TENM3: variants seen among roughly 807,000 people sequenced by gnomAD.
TENM3 encodes the protein teneurin-3.
Under a neutral mutation model 255.1 loss-of-function variants are expected in TENM3, and 63 were observed. That is an observed-to-expected ratio of 0.25 (90% confidence interval 0.20 to 0.30). The LOEUF is 0.30. TENM3 is among the 10% of genes least tolerant of loss of function. The probability of loss-of-function intolerance (pLI) is 1.00; values close to 1 mark genes in which losing one functional copy is unlikely to be tolerated. For missense variants in TENM3, 2,929 were observed against 3,461.1 expected, an observed-to-expected ratio of 0.85 and a Z score of 3.86; for synonymous variants, 1,306 against 1,322.3, an observed-to-expected ratio of 0.99 and a Z score of 0.27.
the TENM3 span, among the ~76,000 whole-genome samples, chr4:181,880,006 A>C: frequency 6.6e-6 from 1 of 152,196 alleles, no homozygotes; most frequent in East Asian, 1.9e-4. Flanking sequence ...GGATGGGATA[A>C]ATATTATGGG....
chr4:181,751,406 C>T, the TENM3 span, among the ~76,000 whole-genome samples: 1 of 134,242 alleles, frequency 7.4e-6, no homozygotes, highest in Non-Finnish European at 1.6e-5. Flanking sequence ...CTACTACAGC[C>T]TTCCAAAGGA....
the TENM3 span, among the ~76,000 whole-genome samples, chr4:181,891,269 GAAAATGC>G: frequency 6.6e-6 from 1 of 152,134 alleles, no homozygotes; most frequent in Non-Finnish European, 1.5e-5. Flanking sequence ...CTAATAGGAG[GAAAATGC>G]ATCTAAAACA....
At chr4:181,617,339 A>T in the TENM3 span, among the ~76,000 whole-genome samples, 1 of 152,242 alleles carries the variant, frequency 6.6e-6, no homozygotes, top group African/African-American at 2.4e-5. Flanking sequence ...CAGTTTCAGT[A>T]GGCGTCATGA....
intron 3 of TENM3, among the ~76,000 whole-genome samples, chr4:182,399,796 G>T (rs560990260): frequency 4.6e-5 from 7 of 152,300 alleles, no homozygotes; most frequent in African/African-American, 1.7e-4. Context: ...GTTGTGGAAT[G>T]AAGTTTATGG....
At chr4:181,975,194 G>A in the TENM3 span, 16 of 142,604 alleles carry the variant, frequency 1.1e-4, no homozygotes, top group African/African-American at 3.9e-4. Flanking sequence ...CTGGAGTGCA[G>A]TGGCACAATC....
the TENM3 span, among the ~76,000 whole-genome samples, chr4:181,769,020 T>G: frequency 6.6e-6 from 1 of 152,218 alleles, no homozygotes; most frequent in Non-Finnish European, 1.5e-5. Context: ...GAGATTTTTT[T>G]CTCTTTTAGC....
At chr4:182,006,534 C>T in the TENM3 span, among the ~76,000 whole-genome samples, 43 of 152,162 alleles carry the variant, frequency 2.8e-4, no homozygotes, top group African/African-American at 9.6e-4. Context: ...TTAGTATTCT[C>T]TGATGGTAGT....
chr4:181,859,800 T>A, the TENM3 span, among the ~76,000 whole-genome samples: 1 of 152,186 alleles, frequency 6.6e-6, no homozygotes, highest in Non-Finnish European at 1.5e-5. Context: ...AAATACTACT[T>A]GTGTGATATC....
At chr4:182,161,888 C>CATATATATGTGT (rs375823683) in intron 1 of TENM3, among the ~76,000 whole-genome samples, 1 of 51,662 alleles carries the variant, frequency 1.9e-5, no homozygotes, top group African/African-American at 7.0e-5. Flanking sequence ...TATATACACA[C>CATATATATGTGT]ATATATGTGT....
chr4:182,327,662 T>C (rs1763500266), intron 2 of TENM3, among the ~76,000 whole-genome samples: 1 of 152,224 alleles, frequency 6.6e-6, no homozygotes. Flanking sequence ...CTTTCTCTTT[T>C]TAAATCTCTT....
At chr4:181,630,274 T>C in the TENM3 span, among the ~76,000 whole-genome samples, 12 of 152,106 alleles carry the variant, frequency 7.9e-5, no homozygotes, top group African/African-American at 2.9e-4. Context: ...TGTGTTGATC[T>C]TTTCAAAAAA....
chr4:181,662,527 A>G, the TENM3 span, among the ~76,000 whole-genome samples: 1 of 152,212 alleles, frequency 6.6e-6, no homozygotes, highest in Admixed American at 6.6e-5. Flanking sequence ...CATGTCAGGA[A>G]TCTGAGTGAG....
chr4:182,745,370 A>G (rs1030161733), intron 19 of TENM3, among the ~76,000 whole-genome samples: 2 of 152,226 alleles, frequency 1.3e-5, no homozygotes, highest in African/African-American at 4.8e-5. Flanking sequence ...AATTTCAAAA[A>G]CTTGCTGGTC....
At chr4:181,755,837 T>C in the TENM3 span, among the ~76,000 whole-genome samples, 1 of 152,150 alleles carries the variant, frequency 6.6e-6, no homozygotes, top group Non-Finnish European at 1.5e-5. Context: ...AATTCAATAC[T>C]AGTAGTGTTT....
At chr4:181,763,077 T>C in the TENM3 span, among the ~76,000 whole-genome samples, 3 of 152,340 alleles carry the variant, frequency 2.0e-5, no homozygotes, top group South Asian at 6.2e-4. Context: ...TGATGATTGA[T>C]GACTATGAAT....
At chr4:182,428,605 T>C (rs898143105) in intron 3 of TENM3, among the ~76,000 whole-genome samples, 4 of 151,898 alleles carry the variant, frequency 2.6e-5, no homozygotes, top group African/African-American at 7.3e-5. Flanking sequence ...ACAGGAGTGA[T>C]GCCATGAAGC....
intron 3 of TENM3, among the ~76,000 whole-genome samples, chr4:182,483,992 A>G (rs138138745): frequency 1.3e-5 from 2 of 152,242 alleles, no homozygotes; most frequent in African/African-American, 4.8e-5. Flanking sequence ...ATTCTGCATG[A>G]GATCTGTGTG....
rs1762614740 is a variant in TENM3 at position 182,754,835 on chromosome 4, C to A, written c.4468C>A (p.Leu1490Ile). 1 of 1,614,034 alleles carries A rather than the reference C, an allele frequency of 6.2e-7. No homozygotes were observed. Among genetic ancestry groups the A allele is most frequent in the Non-Finnish European group, 8.5e-7 (1 of 1,179,892 alleles). ...AGATGGTACACTGTATATTGCAGAT[C>A]TAGGGAATATCCGGATCCGGGCTGT... The part of the protein sequence containing the change: ...SPDGTLYIAD[L>I]GNIRIRAVSK... The change falls in exon 22 of 28, where the codon CTA becomes ATA. Residue 1490 changes from leucine (L) to isoleucine (I), a missense_variant. Around this residue, in one of 6 missense-constraint regions of TENM3, gnomAD observed 1,608 missense variants for 1,884.4 expected, o/e 0.85. Coordinates refer to ENST00000511685, the MANE Select transcript of TENM3 (RefSeq NM_001080477.4). This position sits in a 1 kb window ranked among gnomAD's most constrained non-coding sequence, Gnocchi z 5.1.
chr4:182,472,759 A>G (rs1733259943), intron 3 of TENM3, among the ~76,000 whole-genome samples: 2 of 152,044 alleles, frequency 1.3e-5, no homozygotes, highest in South Asian at 4.1e-4. Context: ...TTCTGTTGCT[A>G]GGCTGGAGTG....
Sources: gnomAD v4.1 joint callset for allele counts (sites outside exome capture counted in the v4.1 genomes callset) on GRCh38, gnomAD v4.1.1 for gene constraint, gnomAD v4.1.1 regional missense constraint, Gnocchi (gnomAD v3.1) non-coding constraint, MANE v1.5 for transcripts, NCBI Gene and HGNC (gene_info 2026-07-23, HGNC 2026-07-21) for gene names.